The following DRC9 variants were observed in gnomAD, a reference collection of about 807,000 sequenced individuals.
DRC9 encodes dynein regulatory complex subunit 9.
the DRC9 span, among the ~76,000 whole-genome samples, chr3:197,941,865 A>G: frequency 6.6e-6 from 1 of 152,070 alleles, no homozygotes; most frequent in African/African-American, 2.4e-5. Context: ...GGAGATAATA[A>G]ATAGGAAGAA....
the DRC9 span, among the ~76,000 whole-genome samples, chr3:197,897,386 A>G: frequency 6.6e-6 from 1 of 152,196 alleles, no homozygotes; most frequent in Non-Finnish European, 1.5e-5. Context: ...AGATATTACA[A>G]TTATGAACCG....
the DRC9 span, among the ~76,000 whole-genome samples, chr3:197,911,300 G>C: frequency 2.0e-5 from 3 of 152,298 alleles, no homozygotes; most frequent in Admixed American, 1.3e-4. Flanking sequence ...ACAGATTCGA[G>C]AGTATTAGCA....
At chr3:197,903,033 C>T in the DRC9 span, among the ~76,000 whole-genome samples, 3 of 152,142 alleles carry the variant, frequency 2.0e-5, no homozygotes, top group African/African-American at 7.2e-5. Flanking sequence ...AATAAATCTA[C>T]ACTGAATTCA....
At chr3:197,889,743 C>A in the DRC9 span, 1 of 1,613,504 alleles carries the variant, frequency 6.2e-7, no homozygotes, top group Non-Finnish European at 8.5e-7. Context: ...GTGAGTACGA[C>A]GTATGCTATG....
chr3:197,913,193 C>G, the DRC9 span: 5 of 172,370 alleles, frequency 2.9e-5, no homozygotes, highest in Admixed American at 2.3e-4. Flanking sequence ...TTCTTGTTTT[C>G]TTTTCTTTTT....
chr3:197,908,270 T>A, the DRC9 span, among the ~76,000 whole-genome samples: 36 of 132,186 alleles, frequency 2.7e-4, no homozygotes, highest in African/African-American at 1.1e-3. Context: ...CCAGGCATCC[T>A]CCCAGATGAA....
chr3:197,952,569 AC>A, the DRC9 span: 1 of 152,052 alleles, frequency 6.6e-6, no homozygotes, highest in South Asian at 2.1e-4. Context: ...ATCTCAGCTC[AC>A]TGTAATCTCT....
chr3:197,936,068 G>C, the DRC9 span, among the ~76,000 whole-genome samples: 1 of 151,982 alleles, frequency 6.6e-6, no homozygotes, highest in Non-Finnish European at 1.5e-5. Context: ...GGAGGCTGAA[G>C]CAGGAGAATC....
the DRC9 span, among the ~76,000 whole-genome samples, chr3:197,903,342 T>C: frequency 1.3e-5 from 2 of 152,116 alleles, no homozygotes; most frequent in Non-Finnish European, 2.9e-5. Context: ...ATGGATCATA[T>C]CAAGTTAAAA....
At chr3:197,903,343 C>T in the DRC9 span, among the ~76,000 whole-genome samples, 56 of 152,274 alleles carry the variant, frequency 3.7e-4, no homozygotes, top group African/African-American at 1.2e-3. Flanking sequence ...TGGATCATAT[C>T]AAGTTAAAAA....
At chr3:197,950,268 T>G in the DRC9 span, 2 of 1,230,176 alleles carry the variant, frequency 1.6e-6, no homozygotes, top group Non-Finnish European at 2.0e-6. Flanking sequence ...ATAACCGGAG[T>G]AGGTTTGTTC....
chr3:197,892,635 G>A, the DRC9 span: 1 of 1,599,866 alleles, frequency 6.3e-7, no homozygotes, highest in African/African-American at 1.4e-5. Flanking sequence ...TACCATCTTT[G>A]CCAGGTCTTG....
At chr3:197,959,185 C>G in the DRC9 span, 1 of 151,894 alleles carries the variant, frequency 6.6e-6, no homozygotes, top group Non-Finnish European at 1.5e-5. Context: ...CCAGCCTGGG[C>G]GACGAGTGAA....
the DRC9 span, among the ~76,000 whole-genome samples, chr3:197,902,844 T>C: frequency 6.6e-6 from 1 of 152,058 alleles, no homozygotes; most frequent in Non-Finnish European, 1.5e-5. Flanking sequence ...CTAAAATTTA[T>C]ATGGAACCAC....
At chr3:197,954,630 C>G in the DRC9 span, among the ~76,000 whole-genome samples, 1 of 152,160 alleles carries the variant, frequency 6.6e-6, no homozygotes, top group Non-Finnish European at 1.5e-5. Context: ...GTGCCTCAGC[C>G]TCCCGAGTAG....
At chr3:197,899,866 A>G in the DRC9 span, among the ~76,000 whole-genome samples, 1 of 152,218 alleles carries the variant, frequency 6.6e-6, no homozygotes, top group African/African-American at 2.4e-5. Flanking sequence ...TGAAAGAGGC[A>G]CTGAAGAGGG....
chr3:197,923,112 A>T, the DRC9 span, among the ~76,000 whole-genome samples: 15 of 152,052 alleles, frequency 9.9e-5, no homozygotes, highest in East Asian at 1.4e-3. Context: ...ATAATATCTT[A>T]AAAAAAAGTC....
At chr3:197,935,157 G>A in the DRC9 span, among the ~76,000 whole-genome samples, 1 of 151,920 alleles carries the variant, frequency 6.6e-6, no homozygotes, top group Non-Finnish European at 1.5e-5. Context: ...AAGTAATTTT[G>A]TGGCCGGGCG....
the DRC9 span, among the ~76,000 whole-genome samples, chr3:197,922,713 AAAAT>A: frequency 6.1e-4 from 62 of 100,962 alleles, no homozygotes; most frequent in South Asian, 3.0e-3. Flanking sequence ...CTCAAAAATA[AAAAT>A]AAATAAATAA....
Sources: allele counts gnomAD v4.1 joint callset (sites outside exome capture counted in the v4.1 genomes callset), GRCh38; gene constraint gnomAD v4.1.1; transcripts MANE v1.5; gene names NCBI Gene and HGNC (gene_info 2026-07-23, HGNC 2026-07-21).